NFAM1: variants seen among roughly 807,000 people sequenced by gnomAD.
The protein encoded by NFAM1 is NFAT activating protein with ITAM motif 1.
In NFAM1, 17 loss-of-function variants were observed where a neutral mutation model predicts 29.0. That is an observed-to-expected ratio of 0.59 (90% CI 0.40 to 0.88). The LOEUF is 0.88. NFAM1 is among the 40% of genes least tolerant of loss of function. The probability of loss-of-function intolerance (pLI) is 0.00; values close to 1 mark genes in which losing one functional copy is unlikely to be tolerated. For synonymous variants in NFAM1, 175 were observed against 147.2 expected (o/e 1.19, Z -1.36); for missense variants, 324 against 344.6 (o/e 0.94, Z 0.47).
At chr22:42,393,589 T>TG (rs1929420518) in intron 4 of NFAM1, among the ~76,000 whole-genome samples, 1 of 149,810 alleles carries the variant, frequency 6.7e-6, no homozygotes, top group African/African-American at 2.5e-5. Context: ...TTTTTTTTTT[T>TG]GTATTTTTAG....
intron 4 of NFAM1, among the ~76,000 whole-genome samples, chr22:42,387,438 C>G (rs2147088808): frequency 6.6e-6 from 1 of 152,224 alleles, no homozygotes; most frequent in African/African-American, 2.4e-5. Flanking sequence ...GGCTTGGCAG[C>G]CAGCAGCCCC....
At chr22:42,422,743 G>A (rs2146551411) in intron 1 of NFAM1, among the ~76,000 whole-genome samples, 1 of 152,312 alleles carries the variant, frequency 6.6e-6, no homozygotes, top group South Asian at 2.1e-4. Flanking sequence ...CATCAGGATG[G>A]TGTGGAAGGT....
intron 1 of NFAM1, among the ~76,000 whole-genome samples, chr22:42,431,455 G>A (rs1343692899): frequency 1.3e-5 from 2 of 152,168 alleles, no homozygotes; most frequent in African/African-American, 4.8e-5. Flanking sequence ...CTGCTGCCCG[G>A]CCAAGGAGGG....
At chr22:42,404,728 G>A (rs930560333) in intron 3 of NFAM1, among the ~76,000 whole-genome samples, 3 of 152,042 alleles carry the variant, frequency 2.0e-5, no homozygotes, top group Admixed American at 6.6e-5. Flanking sequence ...GGTATCGCAC[G>A]TCTGTAATCC....
At chr22:42,413,483 A>G (rs763215385) in intron 1 of NFAM1, among the ~76,000 whole-genome samples, 38 of 152,100 alleles carry the variant, frequency 2.5e-4, no homozygotes, top group Non-Finnish European at 4.6e-4. Context: ...GCCACTAAAG[A>G]GACACCCCCA....
upstream of NFAM1, chr22:42,437,133 C>CTTTTTA: frequency 7.1e-5 from 17 of 237,858 alleles, no homozygotes; most frequent in South Asian, 1.5e-4. Flanking sequence ...ATGATTTTTT[C>CTTTTTA]TTTTTGTCTT....
chr22:42,390,395 C>T (rs1232206374), intron 4 of NFAM1, among the ~76,000 whole-genome samples: 1 of 151,896 alleles, frequency 6.6e-6, no homozygotes, highest in Admixed American at 6.6e-5. Context: ...CATGAAGGCA[C>T]TGGAGAGACT....
chr22:42,391,693 C>T (rs1601735443), intron 4 of NFAM1, among the ~76,000 whole-genome samples: 1 of 152,202 alleles, frequency 6.6e-6, no homozygotes, highest in Middle Eastern at 3.4e-3. Context: ...ATCTGCAATC[C>T]TAGCACTTTG....
intron 1 of NFAM1, among the ~76,000 whole-genome samples, chr22:42,428,909 C>A (rs1454756951): frequency 6.6e-6 from 1 of 152,198 alleles, no homozygotes; most frequent in Non-Finnish European, 1.5e-5. Context: ...GACTGAGGCC[C>A]ATGGAAGCTG....
chr22:42,432,020 C>T (rs973652981), intron 1 of NFAM1, among the ~76,000 whole-genome samples: 1 of 152,122 alleles, frequency 6.6e-6, no homozygotes, highest in Non-Finnish European at 1.5e-5. Context: ...AGGGAGAGAG[C>T]GCTGTCCCCC....
chr22:42,381,179 C>T lies in NFAM1; in HGVS notation c.*3982G>A, dbSNP rs1928934195. On this transcript the variant is annotated 3_prime_UTR_variant, in exon 6 of 6. Coordinates refer to ENST00000329021, the MANE Select transcript of NFAM1 (RefSeq NM_145912.8). ...GTCCCACAGGACAGCCAGTGGCCTC[C>T]TAGCTTAGTTCTGGGCCCCCGCCTG... is the stretch of plus-strand genomic sequence containing the variant. 6.5e-6 allele frequency: 1 copy of T among 152,676 alleles called. No individual in the cohort carries two copies. Among genetic ancestry groups the T allele is most frequent in the African/African-American group, 2.4e-5 (1 of 41,438 alleles). 9.5% of individuals were successfully genotyped at this position (152,676 alleles called of 1,614,324 possible).
Position 42,409,280 on chromosome 22 carries a change from GC to G in NFAM1, c.564+154del, listed in dbSNP as rs1930000851. Among the ~76,000 whole-genome samples, 1 of 151,998 alleles carries G rather than the reference GC, an allele frequency of 6.6e-6. No homozygotes were observed. ...GCACAGGGAGTGGCACAGGAGGGATGCCCCCAGCCCTGGTGCAAGGGGCCAC... is the reference window on the plus strand; with the variant it reads ...GCACAGGGAGTGGCACAGGAGGGATGCCCCAGCCCTGGTGCAAGGGGCCAC... On this transcript the variant is annotated intron_variant, in intron 3 of 5. Transcript: ENST00000329021. The surrounding 1 kb of genome is among the most constrained non-coding windows in gnomAD (Gnocchi z 4.9).
chr22:42,389,271 CA>C (rs61356524), intron 4 of NFAM1, among the ~76,000 whole-genome samples: 1,615 of 152,270 alleles, frequency 0.011, 26 homozygotes, highest in African/African-American at 0.037. Context: ...TGCAGGCCCC[CA>C]ACCCATACAG....
At chr22:42,424,335 A>C (rs1189288230) in intron 1 of NFAM1, among the ~76,000 whole-genome samples, 1 of 152,180 alleles carries the variant, frequency 6.6e-6, no homozygotes, top group Non-Finnish European at 1.5e-5. Flanking sequence ...GAATGGCGTG[A>C]ACCAGGGAGG....
At chr22:42,418,894 C>T (rs1455483887) in intron 1 of NFAM1, among the ~76,000 whole-genome samples, 1 of 152,142 alleles carries the variant, frequency 6.6e-6, no homozygotes, top group Non-Finnish European at 1.5e-5. Flanking sequence ...GTGGTGTGTG[C>T]AGGGCTGGGG....
rs2147089616 is a variant in NFAM1 at position 42,388,361 on chromosome 22, A to G, written c.664-1283T>C. Among the ~76,000 whole-genome samples, 1 of 152,356 alleles carries G rather than the reference A, an allele frequency of 6.6e-6. No homozygotes were observed. Among genetic ancestry groups the G allele is most frequent in the Middle Eastern group, 3.4e-3 (1 of 294 alleles). On this transcript the variant is annotated intron_variant, in intron 4 of 5. Transcript: ENST00000329021. This position sits in a 1 kb window ranked among gnomAD's most constrained non-coding sequence, Gnocchi z 4.1. The stretch of plus-strand genomic sequence containing the variant: ...CCACACACACAGTCAGGGAAGTAGT[A>G]GGTGCTTAATAAACTGCTGTTGAAT...
Position 42,432,396 on chromosome 22 carries a change from A to T in NFAM1, c.-39T>A. On this transcript the variant is annotated 5_prime_UTR_variant, in exon 1 of 6. Transcript: ENST00000329021. Reference sequence around the variant, plus strand: ...TGTCTGCGGCGACTCTTTAGTTCACAGGAGGGGACGGCCGGCGCTGACAGC... The same window carrying T: ...TGTCTGCGGCGACTCTTTAGTTCACTGGAGGGGACGGCCGGCGCTGACAGC... 1 of 1,509,110 alleles carries T rather than the reference A, an allele frequency of 6.6e-7. No individual in the cohort carries two copies. Among genetic ancestry groups the T allele is most frequent in the Non-Finnish European group, 8.8e-7 (1 of 1,130,720 alleles). The allele number at this position is 1,509,110 out of a possible 1,614,324, so 93.5% of individuals were successfully genotyped here.
At chr22:42,391,743 G>C (rs1240361680) in intron 4 of NFAM1, among the ~76,000 whole-genome samples, 1 of 151,750 alleles carries the variant, frequency 6.6e-6, no homozygotes, top group Non-Finnish European at 1.5e-5. Flanking sequence ...TCAGGAGTTC[G>C]AGACCAGCCT....
At position 42,432,329 on chromosome 22, in the gene NFAM1, G is replaced by A. The variant is rs1343569578; in HGVS notation, c.29C>T (p.Ala10Val). The change falls in exon 1 of 6, where the codon GCC becomes GTC. Residue 10 changes from alanine to valine, a missense_variant. Ala to Val is a moderately conservative substitution (Grantham distance 64). Coordinates refer to ENST00000329021, the MANE Select transcript of NFAM1 (RefSeq NM_145912.8). MENQPVRWRALPGLPRPPGL... is the reference protein window; with the variant it reads MENQPVRWRVLPGLPRPPGL... ...AGGAGGGCGTGGGAGGCCTGGCAGG[G>A]CCCGCCACCTCACAGGCTGGTTCTC... The A allele has an allele frequency of 1.3e-6, 2 of 1,577,360 alleles. No individual in the cohort carries two copies. The highest frequency in any genetic ancestry group is 1.7e-6 in the Non-Finnish European group (2 of 1,161,660).
Sources: gnomAD v4.1 joint callset for allele counts (sites outside exome capture counted in the v4.1 genomes callset) on GRCh38, gnomAD v4.1.1 for gene constraint, Gnocchi (gnomAD v3.1) non-coding constraint, MANE v1.5 for transcripts, NCBI Gene and HGNC (gene_info 2026-07-23, HGNC 2026-07-21) for gene names.